LOXL3: variants seen among roughly 807,000 people sequenced by gnomAD.
LOXL3 encodes the protein lysyl oxidase like 3.
LOXL3 carries 60 observed loss-of-function variants against 91.8 expected under a neutral mutation model. That is an observed-to-expected ratio of 0.65 (90% CI 0.53 to 0.81). The LOEUF is 0.81. Ranked by LOEUF, LOXL3 falls within the 30% of genes least tolerant of loss-of-function variation. The pLI, the probability that LOXL3 is intolerant of heterozygous loss-of-function variation, is 0.00. For missense variants in LOXL3, 874 were observed against 1,000.4 expected (o/e 0.87, Z 1.70); for synonymous variants, 355 against 387.6 (o/e 0.92, Z 0.99).
Position 74,534,177 on chromosome 2 carries a change from A to G in LOXL3, c.1999T>C (p.Trp667Arg), listed in dbSNP as rs1675840222. 1.2e-6 allele frequency: 2 copies of G among 1,614,196 alleles called. No homozygotes were observed. Among genetic ancestry groups the G allele is most frequent in the Non-Finnish European group, 1.7e-6 (2 of 1,180,024 alleles). ...FGEQGITVGC[W>R]DLYRHDIDCQ... is the part of the protein sequence containing the mutation. ...TCAATGTCATGCCGGTAGAGATCCC[A>G]GCAACCCACAGTGATGCCTTGCTCT... The change falls in exon 12 of 14, where the codon TGG (tryptophan) becomes CGG (arginine). Residue 667 changes from tryptophan (W) to arginine (R), a missense_variant. By Grantham distance (101) the Trp-to-Arg change is moderately radical. Coordinates refer to ENST00000264094, the MANE Select transcript of LOXL3 (RefSeq NM_032603.5).
In LOXL3 at chr2:74,536,205, C is replaced by T. The variant is rs1676010160; in HGVS notation, c.1094-55G>A. The T allele has an allele frequency of 1.2e-6, 2 of 1,611,822 alleles. No individual in the cohort carries two copies. Among genetic ancestry groups the T allele is most frequent in the South Asian group, 1.1e-5 (1 of 91,072 alleles). Reference sequence around the variant, plus strand: ...TGTAATTAAGCATATATTGTCTGCCCAGGGGACACCTAACCTTCCGAAGGA... The same window carrying T: ...TGTAATTAAGCATATATTGTCTGCCTAGGGGACACCTAACCTTCCGAAGGA... On this transcript the variant is annotated intron_variant, in intron 6 of 13. Coordinates refer to ENST00000264094, the MANE Select transcript of LOXL3 (RefSeq NM_032603.5). The surrounding 1 kb of genome is among the most constrained non-coding windows in gnomAD (Gnocchi z 4.5).
In LOXL3 at chr2:74,534,198, G is replaced by A; in HGVS notation, c.1978C>T (p.Gln660Ter). Reference protein sequence around the residue: ...KRYECANFGEQGITVGCWDLY... With the variant: ...KRYECANFGE ...TCCCAGCAACCCACAGTGATGCCTT[G>A]CTCTCCAAAGTTGGCACACTCATAC... Residue 660 changes from glutamine to a stop codon, truncating the protein, a stop_gained, in exon 12 of 14, where the codon CAA becomes TAA. Transcript: ENST00000264094. LOFTEE classifies it high-confidence loss of function. 1 of 1,614,170 alleles carries A rather than the reference G, an allele frequency of 6.2e-7. No homozygotes were observed. Among genetic ancestry groups the A allele is most frequent in the Non-Finnish European group, 8.5e-7 (1 of 1,180,030 alleles).
rs199982409 is a variant in LOXL3, at chr2:74,536,889, A to G, written c.732T>C (p.His244=). 27 of 1,614,092 alleles carry G rather than the reference A, an allele frequency of 1.7e-5. No individual in the cohort carries two copies. Among genetic ancestry groups the G allele is most frequent in the Admixed American group, 1.0e-4 (6 of 60,008 alleles). Residue 244 remains histidine, a synonymous_variant, in exon 5 of 14, where the codon CAT becomes CAC. Transcript: ENST00000264094. The surrounding 1 kb of genome is among the most constrained non-coding windows in gnomAD (Gnocchi z 4.5). ...CCTCCGTGCCCACGCACGCCACCCC[A>G]TGCAGACCAAAGGAGTGTTGCTGCC... ...AQRQQHSFGL[H]GVACVGTEAH... is the part of the protein sequence containing the mutation.
chr2:74,535,564 G>C lies in LOXL3; in HGVS notation c.1416+24C>G, dbSNP rs200754175. ...ACACAGGCTTTGAGACAACAGCCTC[G>C]GCTCCCCTTTCCTTCCCACTCACCT... is the stretch of plus-strand genomic sequence containing the variant. On this transcript the variant is annotated intron_variant, in intron 8 of 13. Transcript: ENST00000264094. The surrounding 1 kb of genome is among the most constrained non-coding windows in gnomAD (Gnocchi z 4.2). 6.2e-7 allele frequency: 1 copy of C among 1,613,170 alleles called. No homozygotes were observed. The highest frequency in any genetic ancestry group is 1.7e-5 in the Admixed American group (1 of 59,938).
chr2:74,540,435 C>T (rs1176945717), intron 4 of LOXL3, among the ~76,000 whole-genome samples: 4 of 152,132 alleles, frequency 2.6e-5, no homozygotes, highest in African/African-American at 9.7e-5. Flanking sequence ...TTCCTGGATG[C>T]TCTCTTTGAG....
At chr2:74,546,778 G>A (rs567839665) in intron 4 of LOXL3, among the ~76,000 whole-genome samples, 13 of 151,866 alleles carry the variant, frequency 8.6e-5, no homozygotes, top group South Asian at 4.2e-4. Context: ...GTGCAATGGC[G>A]CGATCTCAGC....
chr2:74,535,267 A>G lies in LOXL3; in HGVS notation c.1579+25T>C, dbSNP rs776031663. On this transcript the variant is annotated intron_variant, in intron 9 of 13. Transcript: ENST00000264094. This position sits in a 1 kb window ranked among gnomAD's most constrained non-coding sequence, Gnocchi z 4.2. ...TGGCCCAGACACTCCCTTCCCTGGC[A>G]TGCATCACCCCCTCCTTCACTCACT... is the stretch of plus-strand genomic sequence containing the variant. The G allele has an allele frequency of 6.3e-7, 1 of 1,595,874 alleles. No individual in the cohort carries two copies. Among genetic ancestry groups the G allele is most frequent in the Non-Finnish European group, 8.6e-7 (1 of 1,168,770 alleles).
At position 74,535,936 on chromosome 2, in the gene LOXL3, T is replaced by G; in HGVS notation, c.1248+60A>C. On this transcript the variant is annotated intron_variant, in intron 7 of 13. Coordinates refer to ENST00000264094, the MANE Select transcript of LOXL3 (RefSeq NM_032603.5). This position sits in a 1 kb window ranked among gnomAD's most constrained non-coding sequence, Gnocchi z 4.2. ...GGCTGGGGGCCATTGGACTGTAGATTGGAGACCAGACCTGGATAGGATGAA... is the reference window on the plus strand; with the variant it reads ...GGCTGGGGGCCATTGGACTGTAGATGGGAGACCAGACCTGGATAGGATGAA... The G allele has an allele frequency of 6.6e-7, 1 of 1,516,308 alleles. No individual in the cohort carries two copies. Among genetic ancestry groups the G allele is most frequent in the Non-Finnish European group, 8.8e-7 (1 of 1,138,846 alleles). The allele number at this position is 1,516,308 out of a possible 1,614,324, so 93.9% of individuals were successfully genotyped here. A position where few individuals can be genotyped will look rare whatever the true frequency, so the allele number is the denominator to read the frequency against.
chr2:74,533,378 TC>T lies in LOXL3; in HGVS notation c.*227del. On this transcript the variant is annotated 3_prime_UTR_variant, in exon 14 of 14. Transcript: ENST00000264094. ...TGTGGTGTGGTGGGCTCTGGTCTGT[TC>T]TGCTCGGTGCTGGGCCTGGGAGCAA... The T allele has an allele frequency of 1.8e-6, 1 of 564,258 alleles. No individual in the cohort carries two copies. Among genetic ancestry groups the T allele is most frequent in the South Asian group, 2.0e-5 (1 of 49,000 alleles). 35.0% of individuals were successfully genotyped at this position (564,258 alleles called of 1,614,324 possible). A position where few individuals can be genotyped will look rare whatever the true frequency, so the allele number is the denominator to read the frequency against.
chr2:74,541,740 G>T (rs1008418844), intron 4 of LOXL3, among the ~76,000 whole-genome samples: 2 of 151,258 alleles, frequency 1.3e-5, no homozygotes, highest in Admixed American at 6.6e-5. Flanking sequence ...ATTATTTAAG[G>T]ACCTTATATC....
intron 4 of LOXL3, among the ~76,000 whole-genome samples, chr2:74,546,866 G>A (rs1419718161): frequency 2.6e-5 from 4 of 151,304 alleles, no homozygotes; most frequent in Non-Finnish European, 5.9e-5. Flanking sequence ...ACAGTCATGC[G>A]CCACCACACC....
intron 1 of LOXL3, among the ~76,000 whole-genome samples, chr2:74,553,507 C>T (rs1456623727): frequency 6.6e-6 from 1 of 152,204 alleles, no homozygotes; most frequent in African/African-American, 2.4e-5. Flanking sequence ...GCTCCTCAGC[C>T]AAGGCCTTCT....
At chr2:74,551,712 T>TG (rs942771452) in intron 2 of LOXL3, among the ~76,000 whole-genome samples, 68 of 152,386 alleles carry the variant, frequency 4.5e-4, no homozygotes, top group African/African-American at 1.6e-3. Context: ...CAGTGGGAAC[T>TG]GGGGAATCAG....
intron 4 of LOXL3, among the ~76,000 whole-genome samples, chr2:74,546,558 C>T (rs1676604291): frequency 6.6e-6 from 1 of 152,082 alleles, no homozygotes; most frequent in African/African-American, 2.4e-5. Context: ...CACACACACC[C>T]CAGAATATTT....
Position 74,534,687 on chromosome 2 carries a change from G to A in LOXL3, c.1667C>T (p.Ala556Val), listed in dbSNP as rs145278325. ...TGAGCTGGCCAGGCAGTTCTCTTCC[G>A]CAGCACAGTACAACATATGCAGGGG... Reference protein sequence around the residue: ...DRPLHMLYCAAEENCLASSAR... With the variant: ...DRPLHMLYCAVEENCLASSAR... The change falls in exon 10 of 14, where the codon GCG becomes GTG. Residue 556 changes from alanine (A) to valine (V), a missense_variant. Ala to Val is a moderately conservative substitution (Grantham distance 64). Transcript: ENST00000264094. 129 of 1,614,062 alleles carry A rather than the reference G, an allele frequency of 8.0e-5. No individual in the cohort carries two copies. Among genetic ancestry groups the A allele is most frequent in the Non-Finnish European group, 1.0e-4 (121 of 1,180,046 alleles).
intron 4 of LOXL3, among the ~76,000 whole-genome samples, chr2:74,547,174 C>A (rs1356401016): frequency 6.6e-6 from 1 of 151,896 alleles, no homozygotes. Flanking sequence ...CCATGTTCAG[C>A]TAATTTTATT....
Position 74,536,450 on chromosome 2 carries a change from C to T in LOXL3, c.934G>A (p.Gly312Ser), listed in dbSNP as rs747485090. 22 of 1,613,594 alleles carry T rather than the reference C, an allele frequency of 1.4e-5. No homozygotes were observed. The highest frequency in any genetic ancestry group is 1.7e-4 in the Middle Eastern group (1 of 5,854). ...ACCCGGCCCTCTCCAGGGTGGGCGC[C>T]GCCCTTTAGACGGACACGGGCCTAT... ...QGEARVRLKG[G>S]AHPGEGRVEV... The change falls in exon 6 of 14, where the codon GGC becomes AGC. Residue 312 changes from glycine (G) to serine (S), a missense_variant. Coordinates refer to ENST00000264094, the MANE Select transcript of LOXL3 (RefSeq NM_032603.5). This position sits in a 1 kb window ranked among gnomAD's most constrained non-coding sequence, Gnocchi z 4.5.
intron 4 of LOXL3, among the ~76,000 whole-genome samples, chr2:74,546,438 C>T (rs192152398): frequency 9.8e-5 from 15 of 152,306 alleles, no homozygotes; most frequent in Non-Finnish European, 1.9e-4. Context: ...CGAAGACCAC[C>T]TACACTGCAT....
intron 2 of LOXL3, among the ~76,000 whole-genome samples, chr2:74,551,583 A>G (rs556575135): frequency 6.6e-6 from 1 of 152,382 alleles, no homozygotes; most frequent in East Asian, 1.9e-4. Context: ...CCTCCTTGAA[A>G]CTTGGCTTCT....
Sources: gnomAD v4.1 joint callset for allele counts (sites outside exome capture counted in the v4.1 genomes callset) on GRCh38, gnomAD v4.1.1 for gene constraint, Gnocchi (gnomAD v3.1) non-coding constraint, MANE v1.5 for transcripts, NCBI Gene and HGNC (gene_info 2026-07-23, HGNC 2026-07-21) for gene names.